CCDC93: variants seen among roughly 807,000 people sequenced by gnomAD.
The protein encoded by CCDC93 is coiled-coil domain-containing protein 93.
A neutral mutation model predicts 108.2 loss-of-function variants in CCDC93; 61 were observed. The observed-to-expected ratio is 0.56, with a 90% CI of 0.46 to 0.70. The LOEUF (loss-of-function observed/expected upper bound fraction) is 0.70, where lower values mean the gene tolerates loss of function less well. Ranked by LOEUF, CCDC93 falls within the 30% of genes least tolerant of loss-of-function variation. The pLI, the probability that CCDC93 is intolerant of heterozygous loss-of-function variation, is 0.00. For synonymous variants in CCDC93, 276 were observed against 260.4 expected (o/e 1.06, Z -0.58); for missense variants, 685 against 764.2 (o/e 0.90, Z 1.22).
intron 12 of CCDC93, among the ~76,000 whole-genome samples, chr2:117,953,071 T>G (rs1178585369): frequency 6.6e-6 from 1 of 152,258 alleles, no homozygotes; most frequent in Non-Finnish European, 1.5e-5. Flanking sequence ...TTTAGAAATT[T>G]GAAAACATTC....
rs1323852548 is a variant in CCDC93 at position 117,986,553 on chromosome 2, T to C, written c.520-484A>G. On this transcript the variant is annotated intron_variant, in intron 6 of 23. Coordinates refer to ENST00000376300, the MANE Select transcript of CCDC93 (RefSeq NM_019044.5). The stretch of plus-strand genomic sequence containing the variant: ...TACTACCCGGGTTTACTGCATCTAA[T>C]CATTACCTGGATATCACCACAAAAA... 3.3e-5 allele frequency among the ~76,000 whole-genome samples: 5 copies of C among 152,290 alleles called. No homozygotes were observed. In the East Asian group the frequency reaches 7.7e-4, roughly 24 times the overall value.
chr2:117,958,174 G>A (rs1016766502), intron 12 of CCDC93, among the ~76,000 whole-genome samples, 191 bp downstream of exon 12: 2 of 152,194 alleles, frequency 1.3e-5, no homozygotes, highest in Non-Finnish European at 2.9e-5. Flanking sequence ...CTCTGCCACT[G>A]TAGCCTGAAA....
chr2:117,936,675 G>A, intron 21 of CCDC93, 27 bp downstream of exon 21: 1 of 1,593,916 alleles, frequency 6.3e-7, no homozygotes, highest in Non-Finnish European at 8.6e-7. Context: ...CAGGGTATTA[G>A]TGGGAAGGAG....
intron 18 of CCDC93, among the ~76,000 whole-genome samples, chr2:117,942,257 C>G (rs894783120): frequency 3.9e-5 from 6 of 152,356 alleles, no homozygotes; most frequent in African/African-American, 1.4e-4. Context: ...TAACTTTTCA[C>G]TGGCTACTGA....
At chr2:117,995,145 G>A (rs778401310) in intron 6 of CCDC93, among the ~76,000 whole-genome samples, 8 of 152,186 alleles carry the variant, frequency 5.3e-5, no homozygotes, top group Non-Finnish European at 1.2e-4. Flanking sequence ...GCTCTTCAGA[G>A]CTATTCAAAG....
chr2:117,967,315 G>A (rs1214886698), intron 11 of CCDC93, among the ~76,000 whole-genome samples: 5 of 152,216 alleles, frequency 3.3e-5, no homozygotes, highest in Non-Finnish European at 5.9e-5. Flanking sequence ...TTAAAGGACT[G>A]CATGAGACCA....
intron 23 of CCDC93, among the ~76,000 whole-genome samples, chr2:117,924,830 G>A (rs1678019673): frequency 1.3e-5 from 2 of 152,182 alleles, no homozygotes; most frequent in Admixed American, 6.5e-5. Flanking sequence ...ATAATTGTCA[G>A]ATTCACCAAA....
At position 117,997,496 on chromosome 2, in the gene CCDC93, G is replaced by A. The variant is rs1243080478; in HGVS notation, c.364-1134C>T. On this transcript the variant is annotated intron_variant, in intron 4 of 23. Transcript: ENST00000376300. Reference sequence around the variant, plus strand: ...TGAGGGTTAGCTACCTAGGAAAGCAGGCACATGGCACATAACACTGTGCTG... The same window carrying A: ...TGAGGGTTAGCTACCTAGGAAAGCAAGCACATGGCACATAACACTGTGCTG... The A allele has an allele frequency of 2.0e-5, 3 of 152,348 alleles. No homozygotes were observed. In the East Asian group the frequency reaches 5.8e-4, roughly 29 times the overall value. The allele number at this position is 152,348 out of a possible 1,614,324, so 9.4% of individuals were successfully genotyped here. A position where few individuals can be genotyped will look rare whatever the true frequency, so the allele number is the denominator to read the frequency against.
At chr2:117,993,204 G>C (rs1680533487) in intron 6 of CCDC93, among the ~76,000 whole-genome samples, 1 of 152,074 alleles carries the variant, frequency 6.6e-6, no homozygotes, top group Non-Finnish European at 1.5e-5. Flanking sequence ...AGACCATCCT[G>C]GCTAACACGG....
At chr2:117,987,362 C>T (rs1469384366) in intron 6 of CCDC93, among the ~76,000 whole-genome samples, 1 of 152,198 alleles carries the variant, frequency 6.6e-6, no homozygotes, top group Admixed American at 6.5e-5. Flanking sequence ...CCTGACACTA[C>T]CTTGCCCCAG....
At chr2:117,972,513 CA>C (rs1418010605) in intron 11 of CCDC93, among the ~76,000 whole-genome samples, 4 of 152,150 alleles carry the variant, frequency 2.6e-5, no homozygotes, top group African/African-American at 9.7e-5. Flanking sequence ...CTGCCAACCA[CA>C]GGGGGCTCTG....
At chr2:117,927,969 A>G (rs1383246049) in intron 23 of CCDC93, among the ~76,000 whole-genome samples, 2 of 152,196 alleles carry the variant, frequency 1.3e-5, no homozygotes, top group Non-Finnish European at 2.9e-5. Context: ...ATCTACAACC[A>G]TCTGATCTTT....
At chr2:117,995,560 G>T (rs1680619323) in intron 5 of CCDC93, 58 bp from the exon 6 acceptor site, 1 of 1,222,034 alleles carries the variant, frequency 8.2e-7, no homozygotes, top group South Asian at 1.2e-5. Flanking sequence ...AACTCAAGTG[G>T]ACCACTCAGA....
chr2:117,936,623 T>C, intron 21 of CCDC93, 79 bp downstream of exon 21: 2 of 1,115,366 alleles, frequency 1.8e-6, no homozygotes, highest in Non-Finnish European at 2.8e-6. Context: ...GTCAAGCACA[T>C]TATAGCAATG....
At chr2:117,952,942 C>G (rs1679105996) in intron 12 of CCDC93, among the ~76,000 whole-genome samples, 2 of 152,194 alleles carry the variant, frequency 1.3e-5, no homozygotes, top group Admixed American at 1.3e-4. Context: ...GACTTCAACA[C>G]CAAGAGAATG....
intron 11 of CCDC93, among the ~76,000 whole-genome samples, chr2:117,972,736 A>C (rs1679805508): frequency 2.0e-5 from 3 of 152,196 alleles, no homozygotes; most frequent in Admixed American, 1.3e-4. Flanking sequence ...CTTCTCAGAC[A>C]GTGAGTTAAT....
chr2:117,949,365 C>T lies in CCDC93; in HGVS notation c.1099G>A (p.Glu367Lys). The change falls in exon 14 of 24, where the codon GAG becomes AAG. Residue 367 changes from glutamate (E) to lysine (K), a missense_variant. Transcript: ENST00000376300. Reference sequence around the variant, plus strand: ...TCTATCTTCTCGAGGGCTGCTTGCTCTTTGTCCAGTTTCTCACTGTAAGTC... The same window carrying T: ...TCTATCTTCTCGAGGGCTGCTTGCTTTTTGTCCAGTTTCTCACTGTAAGTC... ...LKTYSEKLDK[E>K]QAALEKIESK... is the part of the protein sequence containing the mutation. 6.2e-7 allele frequency: 1 copy of T among 1,613,900 alleles called. No homozygotes were observed. Among genetic ancestry groups the T allele is most frequent in the Non-Finnish European group, 8.5e-7 (1 of 1,179,756 alleles).
intron 23 of CCDC93, among the ~76,000 whole-genome samples, chr2:117,930,362 C>T (rs1024294631): frequency 6.6e-6 from 1 of 152,160 alleles, no homozygotes; most frequent in Non-Finnish European, 1.5e-5. Flanking sequence ...CAAATGAAGT[C>T]TTTTTGGAAA....
At chr2:117,967,246 G>A (rs1429460386) in intron 11 of CCDC93, among the ~76,000 whole-genome samples, 1 of 152,220 alleles carries the variant, frequency 6.6e-6, no homozygotes, top group African/African-American at 2.4e-5. Context: ...GCCTGCCTCA[G>A]CCTTCCAAAG....
Sources: gnomAD v4.1 joint callset for allele counts (sites outside exome capture counted in the v4.1 genomes callset) on GRCh38, gnomAD v4.1.1 for gene constraint, MANE v1.5 for transcripts, NCBI Gene and HGNC (gene_info 2026-07-23, HGNC 2026-07-21) for gene names.